Variants in TRRAP observed in about 807,000 individuals in gnomAD.
TRRAP encodes the protein transformation/transcription domain associated protein, also known as transformation/transcription domain-associated protein.
In TRRAP, 41 loss-of-function variants were observed where a neutral mutation model predicts 438.8. The observed-to-expected ratio is 0.09, with a 90% confidence interval of 0.07 to 0.12. The LOEUF (loss-of-function observed/expected upper bound fraction) is 0.12. Among genes scored for constraint, TRRAP ranks in the 10% least tolerant of loss-of-function variants. The pLI is 1.00. For missense variants in TRRAP, 3,122 were observed against 5,055.1 expected (o/e 0.62, Z 11.60); for synonymous variants, 1,994 against 1,962.9 (o/e 1.02, Z -0.42).
Position 98,956,755 on chromosome 7 carries a change from G to A in TRRAP, c.6231+222G>A, listed in dbSNP as rs1011781268. Reference sequence around the variant, plus strand: ...CATGCGTTCAGTTCATACCATTAAAGTTCTGTTGATGATGGTTGATTACTT... The same window carrying A: ...CATGCGTTCAGTTCATACCATTAAAATTCTGTTGATGATGGTTGATTACTT... On this transcript the variant is annotated intron_variant, in intron 43 of 72. Coordinates refer to ENST00000456197, the MANE Select transcript of TRRAP (RefSeq NM_001375524.1). This position sits in a 1 kb window ranked among gnomAD's most constrained non-coding sequence, Gnocchi z 4.5. Among the ~76,000 whole-genome samples the A allele has an allele frequency of 9.9e-5, 15 of 152,208 alleles. No individual in the cohort carries two copies. Among genetic ancestry groups the A allele is most frequent in the African/African-American group, 3.6e-4 (15 of 41,450 alleles).
intron 25 of TRRAP, 120 bp from the exon 26 acceptor site, chr7:98,931,285 A>C (rs1253990822): frequency 7.0e-7 from 1 of 1,428,734 alleles, no homozygotes; most frequent in Admixed American, 2.2e-5. Context: ...TCATTAAAGC[A>C]GCTGGCGAGA....
At position 98,964,684 on chromosome 7, in the gene TRRAP, G is replaced by A. The variant is rs1792071482; in HGVS notation, c.6885G>A (p.Arg2295=). Residue 2295 remains arginine, a synonymous_variant, in exon 48 of 73, where the codon AGG becomes AGA. Coordinates refer to ENST00000456197, the MANE Select transcript of TRRAP (RefSeq NM_001375524.1). ...GCAACAACCCCAGCTACATAGACAGGCTGATCTCCGTCTTTATGCGCTCCC... is the reference window on the plus strand; with the variant it reads ...GCAACAACCCCAGCTACATAGACAGACTGATCTCCGTCTTTATGCGCTCCC... ...ACSNNPSYID[R]LISVFMRSLQ... 1 of 1,613,952 alleles carries A rather than the reference G, an allele frequency of 6.2e-7. No homozygotes were observed. The highest frequency in any genetic ancestry group is 1.1e-5 in the South Asian group (1 of 91,064).
At position 98,945,629 on chromosome 7, in the gene TRRAP, T is replaced by A. The variant is rs150015663; in HGVS notation, c.4474-118T>A. The stretch of plus-strand genomic sequence containing the variant: ...TTGTTAATTACTGTGTGCTTTCTGA[T>A]AATTTGTGTCTTTACTGTCTTGTTA... On this transcript the variant is annotated intron_variant, in intron 31 of 72. Transcript: ENST00000456197. 4.3e-6 allele frequency: 5 copies of A among 1,175,316 alleles called. No individual in the cohort carries two copies. In the Admixed American group the frequency reaches 1.3e-4, roughly 30 times the overall value. The allele number at this position is 1,175,316 out of a possible 1,614,324, so 72.8% of individuals were successfully genotyped here.
In TRRAP at chr7:98,910,050, C is replaced by G. The variant is rs782179251; in HGVS notation, c.1351-6C>G. On this transcript the variant is annotated splice_region_variant and splice_polypyrimidine_tract_variant and intron_variant, in intron 14 of 72. Coordinates refer to ENST00000456197, the MANE Select transcript of TRRAP (RefSeq NM_001375524.1). ...GTCTTCCCTCTTGAATTTCTCTTCC[C>G]GTTAGGTTTTCGTTCTCAAATTCCA... 3 of 1,539,606 alleles carry G rather than the reference C, an allele frequency of 1.9e-6. No homozygotes were observed. The highest frequency in any genetic ancestry group is 1.4e-5 in the African/African-American group (1 of 72,886).
At chr7:98,894,746 T>A (rs1174202381) in intron 6 of TRRAP, among the ~76,000 whole-genome samples, 1 of 150,004 alleles carries the variant, frequency 6.7e-6, no homozygotes, top group East Asian at 2.0e-4. Context: ...CCCAAGTAGC[T>A]GGGACTACAG....
intron 62 of TRRAP, among the ~76,000 whole-genome samples, chr7:98,985,786 T>G (rs745566417): frequency 3.9e-5 from 6 of 152,238 alleles, no homozygotes; most frequent in Non-Finnish European, 8.8e-5. Flanking sequence ...TCTTTTTGTG[T>G]AATGTTTTAA....
chr7:98,933,409 G>A lies in TRRAP; in HGVS notation c.4014+7G>A. On this transcript the variant is annotated splice_region_variant and intron_variant, in intron 27 of 72. Coordinates refer to ENST00000456197, the MANE Select transcript of TRRAP (RefSeq NM_001375524.1). ...TAAGGTGTTCTACACAGAGGTAGGGGGGTGGTGGTGCGGAGTGGTGTGGAT... is the reference window on the plus strand; with the variant it reads ...TAAGGTGTTCTACACAGAGGTAGGGAGGTGGTGGTGCGGAGTGGTGTGGAT... 1 of 1,611,830 alleles carries A rather than the reference G, an allele frequency of 6.2e-7. No homozygotes were observed.
intron 7 of TRRAP, among the ~76,000 whole-genome samples, chr7:98,896,905 G>A (rs1796234041): frequency 6.6e-6 from 1 of 151,658 alleles, no homozygotes; most frequent in African/African-American, 2.4e-5. Flanking sequence ...TCCACTGAGA[G>A]CGAAGGTTGG....
At chr7:98,988,302 C>T (rs1297683022) in intron 62 of TRRAP, among the ~76,000 whole-genome samples, 2 of 152,200 alleles carry the variant, frequency 1.3e-5, no homozygotes. Context: ...TTGAAACAAA[C>T]AGATACCTGT....
chr7:98,986,128 C>A (rs1793140148), intron 62 of TRRAP, among the ~76,000 whole-genome samples: 1 of 152,158 alleles, frequency 6.6e-6, no homozygotes, highest in Non-Finnish European at 1.5e-5. Context: ...GTAACCTGTT[C>A]TTTTTCATGG....
In TRRAP at chr7:98,983,357, A is replaced by G. The variant is rs370154152; in HGVS notation, c.8920A>G (p.Met2974Val). The G allele has an allele frequency of 1.2e-6, 2 of 1,614,224 alleles. No individual in the cohort carries two copies. The highest frequency in any genetic ancestry group is 1.1e-5 in the South Asian group (1 of 91,084). ...NLGRNNSLHD[M>V]KTVVKTWRNR... is the part of the protein sequence containing the mutation. ...GGGAAGGAACAACAGCCTGCACGACATGAAGACGGTGGTGAAGACCTGGAG... is the reference window on the plus strand; with the variant it reads ...GGGAAGGAACAACAGCCTGCACGACGTGAAGACGGTGGTGAAGACCTGGAG... Residue 2974 changes from methionine (M) to valine (V), a missense_variant, in exon 60 of 73, where the codon ATG becomes GTG. Coordinates refer to ENST00000456197, the MANE Select transcript of TRRAP (RefSeq NM_001375524.1).
Position 98,984,932 on chromosome 7 carries a change from T to A in TRRAP, c.9289-12T>A. ...TTCAAGAACTTTTTTTCTGCTCATT[T>A]TTTTTGAACAGGGCCTTGAAGTTAT... On this transcript the variant is annotated splice_polypyrimidine_tract_variant and intron_variant, in intron 61 of 72. Coordinates refer to ENST00000456197, the MANE Select transcript of TRRAP (RefSeq NM_001375524.1). 3.8e-6 allele frequency: 6 copies of A among 1,576,610 alleles called. No homozygotes were observed. The highest frequency in any genetic ancestry group is 5.2e-6 in the Non-Finnish European group (6 of 1,159,700).
chr7:98,900,664 A>G lies in TRRAP; in HGVS notation c.841A>G (p.Ile281Val), dbSNP rs1282376163. ...CAACAAGGAGTTGTATGCTGACTTC[A>G]TTGCTGCTCAGATTAAAACATTGTC... ...LYNKELYADF[I>V]AAQIKTLSFL... is the part of the protein sequence containing the mutation. The change falls in exon 11 of 73, where the codon ATT becomes GTT. Residue 281 changes from isoleucine to valine, a missense_variant. Ile to Val is a conservative substitution (Grantham distance 29, BLOSUM62 3). This residue lies in a region of TRRAP where 343 missense variants were observed against 564.0 expected (regional missense o/e 0.61). Transcript: ENST00000456197. The G allele has an allele frequency of 1.2e-6, 2 of 1,613,620 alleles. No homozygotes were observed. Among genetic ancestry groups the G allele is most frequent in the Non-Finnish European group, 1.7e-6 (2 of 1,179,970 alleles).
chr7:98,904,282 G>A (rs898410632), intron 12 of TRRAP, among the ~76,000 whole-genome samples: 2 of 151,896 alleles, frequency 1.3e-5, no homozygotes. Context: ...AGGAGATCCT[G>A]ACCATCCTGG....
intron 8 of TRRAP, 149 bp from the exon 9 acceptor site, chr7:98,899,273 A>T: frequency 1.5e-6 from 1 of 668,464 alleles, no homozygotes; most frequent in South Asian, 1.8e-5. Context: ...ATCTTTCATC[A>T]GTTTGGATCT....
intron 33 of TRRAP, 122 bp downstream of exon 33, chr7:98,946,072 T>G: frequency 4.9e-6 from 5 of 1,016,360 alleles, no homozygotes; most frequent in Non-Finnish European, 6.4e-6. Flanking sequence ...TGCAGTGACC[T>G]GTATTGTCTG....
chr7:98,881,292 G>T (rs1220227903), intron 2 of TRRAP, 42 bp downstream of exon 2: 3 of 1,545,746 alleles, frequency 1.9e-6, no homozygotes, highest in African/African-American at 2.8e-5. Context: ...CATAAATAAG[G>T]CCGGATGCGG....
chr7:98,959,597 C>T, intron 45 of TRRAP, 107 bp downstream of exon 45: 2 of 1,478,248 alleles, frequency 1.4e-6, no homozygotes, highest in Admixed American at 2.3e-5. Flanking sequence ...ACCCTTATGC[C>T]TAAACCCCAA....
intron 59 of TRRAP, among the ~76,000 whole-genome samples, chr7:98,982,928 G>T (rs1023153546): frequency 9.9e-5 from 15 of 152,170 alleles, no homozygotes; most frequent in African/African-American, 2.7e-4. Flanking sequence ...CGGGCAGGGA[G>T]GGTGGCAAAG....
Sources: gnomAD v4.1 joint callset for allele counts (sites outside exome capture counted in the v4.1 genomes callset) on GRCh38, gnomAD v4.1.1 for gene constraint, gnomAD v4.1.1 regional missense constraint, Gnocchi (gnomAD v3.1) non-coding constraint, MANE v1.5 for transcripts, NCBI Gene and HGNC (gene_info 2026-07-23, HGNC 2026-07-21) for gene names.